SLC9A7: variants seen among roughly 807,000 people sequenced by gnomAD.
The protein encoded by SLC9A7 is solute carrier family 9 member A7.
A neutral mutation model predicts 52.6 loss-of-function variants in SLC9A7; 19 were observed. The observed-to-expected ratio is 0.36, with a 90% CI of 0.25 to 0.53. SLC9A7 has a LOEUF of 0.53. Ranked by LOEUF, SLC9A7 falls within the 20% of genes least tolerant of loss-of-function variation. The pLI is 0.91. For missense variants in SLC9A7, 455 were observed against 597.9 expected, an observed-to-expected ratio of 0.76 and a Z score of 2.49; for synonymous variants, 226 against 252.1, an observed-to-expected ratio of 0.90 and a Z score of 0.98.
intron 4 of SLC9A7, among the ~76,000 whole-genome samples, chrX:46,670,209 G>A (rs908533410): frequency 2.9e-4 from 32 of 111,878 alleles, no homozygotes; most frequent in Admixed American, 2.8e-3. Context: ...TCTCTGCCAA[G>A]AATTATTTCA....
chrX:46,707,877 C>T (rs771409515), intron 1 of SLC9A7, among the ~76,000 whole-genome samples: 1 of 112,272 alleles, frequency 8.9e-6, no homozygotes, highest in South Asian at 3.7e-4. Context: ...GTAGCTGGGA[C>T]TACAGGTGCA....
intron 1 of SLC9A7, among the ~76,000 whole-genome samples, chrX:46,714,297 C>T (rs1431042769): frequency 1.8e-5 from 2 of 111,577 alleles, no homozygotes; most frequent in African/African-American, 6.5e-5. Context: ...AACTTGCATA[C>T]TTCCAATTCC....
At chrX:46,744,654 A>G (rs1289273640) in intron 1 of SLC9A7, among the ~76,000 whole-genome samples, 1 of 112,338 alleles carries the variant, frequency 8.9e-6, no homozygotes, top group East Asian at 2.8e-4. Context: ...TACCTCTGGG[A>G]CATTTACTAT....
At chrX:46,607,370 G>A (rs2076078) in intron 16 of SLC9A7, among the ~76,000 whole-genome samples, 167 bp from the exon 17 acceptor site, 36,533 of 110,232 alleles carry the variant, frequency 0.33, 5,816 homozygotes, top group African/African-American at 0.6. Flanking sequence ...GTAGAGGGCC[G>A]GGCACGGTTG....
At chrX:46,733,505 C>T (rs534504999) in intron 1 of SLC9A7, among the ~76,000 whole-genome samples, 3 of 111,657 alleles carry the variant, frequency 2.7e-5, no homozygotes, top group African/African-American at 9.7e-5. Context: ...CTTCTCTAAA[C>T]TCTTAAAAAG....
At chrX:46,664,679 A>T (rs1444342806) in intron 5 of SLC9A7, among the ~76,000 whole-genome samples, 1 of 111,661 alleles carries the variant, frequency 9.0e-6, no homozygotes, top group Non-Finnish European at 1.9e-5. Context: ...CCTATAATTT[A>T]ATCACACAAA....
chrX:46,613,195 AT>A (rs1283985011), intron 16 of SLC9A7, 93 bp downstream of exon 16: 3 of 560,997 alleles, frequency 5.3e-6, no homozygotes, highest in Non-Finnish European at 8.2e-6. Flanking sequence ...AAATCTGTGG[AT>A]TTGGAGGCAT....
At chrX:46,676,906 C>T (rs1027731620) in intron 3 of SLC9A7, among the ~76,000 whole-genome samples, 1 of 111,370 alleles carries the variant, frequency 9.0e-6, no homozygotes, top group Non-Finnish European at 1.9e-5. Context: ...AGGGTATCAC[C>T]TTGACTCAGT....
intron 11 of SLC9A7, chrX:46,646,540 G>T: frequency 5.1e-6 from 1 of 196,675 alleles, no homozygotes; most frequent in Non-Finnish European, 1.0e-5. Flanking sequence ...GAGGGGCAGA[G>T]GAAGGGACGG....
intron 1 of SLC9A7, among the ~76,000 whole-genome samples, chrX:46,690,499 T>G (rs940486242): frequency 3.6e-5 from 4 of 112,195 alleles, no homozygotes; most frequent in Non-Finnish European, 5.6e-5. Context: ...TTATATATTC[T>G]AGATACAAGT....
At chrX:46,671,678 CT>C (rs1229408445) in intron 4 of SLC9A7, among the ~76,000 whole-genome samples, 2 of 111,770 alleles carry the variant, frequency 1.8e-5, no homozygotes, top group African/African-American at 6.5e-5. Context: ...CATGGTTAGA[CT>C]GAGGTAATGT....
chrX:46,619,293 A>G (rs1943003896), intron 15 of SLC9A7, among the ~76,000 whole-genome samples: 1 of 112,053 alleles, frequency 8.9e-6, no homozygotes, highest in East Asian at 2.8e-4. Flanking sequence ...TGGAACTCTC[A>G]TATGCTAGAA....
intron 3 of SLC9A7, among the ~76,000 whole-genome samples, chrX:46,676,481 C>T (rs1309660758): frequency 9.0e-6 from 1 of 111,731 alleles, no homozygotes; most frequent in Non-Finnish European, 1.9e-5. Context: ...ACTGGCAAAG[C>T]CTGTGAGGTG....
At chrX:46,629,189 G>C (rs1943183289) in intron 14 of SLC9A7, among the ~76,000 whole-genome samples, 1 of 111,591 alleles carries the variant, frequency 9.0e-6, no homozygotes, top group South Asian at 3.7e-4. Flanking sequence ...GGTGCCATTA[G>C]GAGTGCAGCG....
intron 4 of SLC9A7, among the ~76,000 whole-genome samples, chrX:46,670,590 CATT>C (rs764730189): frequency 1.8e-5 from 2 of 111,276 alleles, no homozygotes; most frequent in Non-Finnish European, 3.8e-5. Context: ...GGACTTGACT[CATT>C]ATACCCTACA....
At position 46,759,076 on chromosome X, in the gene SLC9A7, G is replaced by C; in HGVS notation, c.-47C>G. 1 of 828,280 alleles carries C rather than the reference G, an allele frequency of 1.2e-6. No homozygotes were observed. The highest frequency in any genetic ancestry group is 1.5e-6 in the Non-Finnish European group (1 of 668,522). The allele number at this position is 828,280 out of a possible 1,213,427, so 68.3% of individuals were successfully genotyped here. A position where few individuals can be genotyped will look rare whatever the true frequency, so the allele number is the denominator to read the frequency against. ...TCCTCCGAGCGGGGACCAGCAGCCC[G>C]CGCCGTCGGCGGGTTCTGGCAGCAC... On this transcript the variant is annotated 5_prime_UTR_variant, in exon 1 of 17. Transcript: ENST00000616978.
intron 14 of SLC9A7, among the ~76,000 whole-genome samples, chrX:46,623,250 T>C (rs1359516489): frequency 8.9e-6 from 1 of 111,936 alleles, no homozygotes; most frequent in Non-Finnish European, 1.9e-5. Context: ...GAAGGGTCAC[T>C]GTGGGAACAG....
rs766038327 is a variant in SLC9A7, at chrX:46,746,071, T to C, written c.325+12634A>G. Among the ~76,000 whole-genome samples the C allele has an allele frequency of 2.7e-5, 3 of 110,177 alleles. No homozygotes were observed. In the South Asian group the frequency reaches 1.1e-3, roughly 42 times the overall value. ...CGGGCGCAGTGGCTCACGCCTGTAA[T>C]CCCAGCACTTTGGGAGGCCAAGGTG... On this transcript the variant is annotated intron_variant, in intron 1 of 16. Coordinates refer to ENST00000616978, the MANE Select transcript of SLC9A7 (RefSeq NM_001257291.2).
At chrX:46,682,601 T>C in intron 1 of SLC9A7, 66 bp from the exon 2 acceptor site, 1 of 1,001,104 alleles carries the variant, frequency 1.0e-6, no homozygotes, top group Non-Finnish European at 1.4e-6. Flanking sequence ...AATAATGGCA[T>C]AGTTGACTTT....
Sources: allele counts gnomAD v4.1 joint callset (sites outside exome capture counted in the v4.1 genomes callset), GRCh38; gene constraint gnomAD v4.1.1; transcripts MANE v1.5; gene names NCBI Gene and HGNC (gene_info 2026-07-23, HGNC 2026-07-21).